The following CACNB2 variants were observed in gnomAD, a reference collection of about 807,000 sequenced individuals.
CACNB2 encodes calcium voltage-gated channel auxiliary subunit beta 2.
A neutral mutation model predicts 73.3 loss-of-function variants in CACNB2; 42 were observed. That is an observed-to-expected ratio of 0.57 (90% confidence interval 0.45 to 0.74). CACNB2 has a LOEUF of 0.74. CACNB2 is among the 30% of genes least tolerant of loss of function. CACNB2 has a pLI of 0.00. For missense variants in CACNB2, 940 were observed against 853.0 expected (o/e 1.10, Z -1.27); for synonymous variants, 348 against 310.3 (o/e 1.12, Z -1.28).
intron 3 of CACNB2, among the ~76,000 whole-genome samples, chr10:18,410,669 G>A (rs1367428841): frequency 2.0e-5 from 3 of 152,106 alleles, no homozygotes. Flanking sequence ...TGAAACTAGA[G>A]GGCTACTTAT....
rs1473147434 is a variant in CACNB2 at position 18,498,693 on chromosome 10, C to T, written c.456+216C>T. 1.1e-5 allele frequency: 6 copies of T among 533,654 alleles called. No individual in the cohort carries two copies. In the Admixed American group the frequency reaches 1.2e-4, roughly 11 times the overall value. 33.1% of individuals were successfully genotyped at this position (533,654 alleles called of 1,614,324 possible). ...CAGGCCTCTTGCAATAACTTCAGCG[C>T]TCCCTGGGGCTCTGTGGCCCAGAAA... On this transcript the variant is annotated intron_variant, in intron 4 of 13. Transcript: ENST00000324631.
intron 2 of CACNB2, among the ~76,000 whole-genome samples, chr10:18,317,790 A>G (rs1389072493): frequency 6.6e-6 from 1 of 152,150 alleles, no homozygotes; most frequent in African/African-American, 2.4e-5. Context: ...CATTTATTCC[A>G]TACATATTTA....
At chr10:18,328,077 A>T (rs922519242) in intron 2 of CACNB2, among the ~76,000 whole-genome samples, 5 of 152,204 alleles carry the variant, frequency 3.3e-5, no homozygotes, top group Admixed American at 3.3e-4. Context: ...TCCAACCTCT[A>T]TGCAGTGCTC....
intron 2 of CACNB2, among the ~76,000 whole-genome samples, chr10:18,364,608 T>C (rs1405061781): frequency 6.6e-6 from 1 of 152,148 alleles, no homozygotes; most frequent in Non-Finnish European, 1.5e-5. Context: ...CCAAGGCAGT[T>C]TAATTTTTTT....
chr10:18,388,890 T>C (rs1419018333), intron 2 of CACNB2, among the ~76,000 whole-genome samples: 1 of 152,200 alleles, frequency 6.6e-6, no homozygotes, highest in Non-Finnish European at 1.5e-5. Flanking sequence ...ATAAAGAGGC[T>C]TTCAGGAGAC....
At chr10:18,492,102 C>T (rs1174407346) in intron 3 of CACNB2, among the ~76,000 whole-genome samples, 7 of 152,054 alleles carry the variant, frequency 4.6e-5, no homozygotes, top group African/African-American at 1.7e-4. Context: ...ACATGGCTGG[C>T]ACTGGTGCAA....
chr10:18,244,898 CAGAT>C (rs965283612), intron 2 of CACNB2, among the ~76,000 whole-genome samples: 2 of 152,084 alleles, frequency 1.3e-5, no homozygotes, highest in African/African-American at 4.8e-5. Context: ...GTAGAAGAGA[CAGAT>C]AGGAAAGTTG....
At chr10:18,209,635 A>AT (rs201451514) in intron 2 of CACNB2, among the ~76,000 whole-genome samples, 9,269 of 151,482 alleles carry the variant, frequency 0.061, 281 homozygotes, top group East Asian at 0.099. Context: ...TTAGCTATTG[A>AT]TTTTTTTTTA....
rs77843502 is a variant in CACNB2, at chr10:18,235,552, C to T, written c.213+84577C>T. On this transcript the variant is annotated intron_variant, in intron 2 of 13. Coordinates refer to ENST00000324631, the MANE Select transcript of CACNB2 (RefSeq NM_201596.3). ...AATAAAACAACACAGTTTCCTTTTC[C>T]AAGAGACAGAAGGGGTCTGTTTGGT... is the stretch of plus-strand genomic sequence containing the variant. Among the ~76,000 whole-genome samples the T allele has an allele frequency of 5.0e-3, 767 of 152,210 alleles. 6 individuals carry two copies. The highest frequency in any genetic ancestry group is 0.017 in the African/African-American group (715 of 41,534).
At chr10:18,167,996 G>T (rs1417664922) in intron 2 of CACNB2, among the ~76,000 whole-genome samples, 1 of 152,148 alleles carries the variant, frequency 6.6e-6, no homozygotes, top group Admixed American at 6.5e-5. Flanking sequence ...GGAAATTCTG[G>T]TGAAGCCACT....
chr10:18,460,888 A>C (rs957755946), intron 3 of CACNB2, among the ~76,000 whole-genome samples: 2 of 11,494 alleles, frequency 1.7e-4, no homozygotes, highest in African/African-American at 6.2e-4. Flanking sequence ...AGATCTTTCC[A>C]AAAAAAAAAA....
chr10:18,385,912 C>G (rs547963111), intron 2 of CACNB2, among the ~76,000 whole-genome samples: 2 of 152,140 alleles, frequency 1.3e-5, no homozygotes, highest in East Asian at 3.9e-4. Flanking sequence ...AATCTGTTAT[C>G]ACAAATAGTG....
chr10:18,174,306 TC>T (rs2033443821), intron 2 of CACNB2, among the ~76,000 whole-genome samples: 1 of 127,718 alleles, frequency 7.8e-6, no homozygotes, highest in Admixed American at 8.4e-5. Context: ...CTTCCTTCCT[TC>T]CCTCCCTCCC....
chr10:18,519,927 G>C, intron 9 of CACNB2: 1 of 338,144 alleles, frequency 3.0e-6, no homozygotes, highest in Middle Eastern at 3.9e-4. Context: ...CATCCTCTTT[G>C]AAATACTTTG....
chr10:18,454,590 A>G (rs1000466014), intron 3 of CACNB2, among the ~76,000 whole-genome samples: 1 of 152,260 alleles, frequency 6.6e-6, no homozygotes, highest in Non-Finnish European at 1.5e-5. Context: ...AAAGCATTTA[A>G]TATCAATCAT....
At chr10:18,151,220 C>A (rs994273051) in intron 2 of CACNB2, 21 of 391,622 alleles carry the variant, frequency 5.4e-5, no homozygotes, top group East Asian at 3.3e-4. Flanking sequence ...CAGAGGATTT[C>A]TTTGAAACAG....
At chr10:18,318,029 C>T (rs914512144) in intron 2 of CACNB2, among the ~76,000 whole-genome samples, 5 of 152,128 alleles carry the variant, frequency 3.3e-5, no homozygotes, top group East Asian at 1.9e-4. Flanking sequence ...GATTCAATAT[C>T]GTGAAAATGG....
intron 7 of CACNB2, among the ~76,000 whole-genome samples, chr10:18,515,826 A>G (rs1182684615): frequency 6.6e-6 from 1 of 152,236 alleles, no homozygotes; most frequent in East Asian, 1.9e-4. Flanking sequence ...CAGGAATGTG[A>G]GCTAAAACCC....
chr10:18,520,945 T>C (rs1231247387), intron 9 of CACNB2, among the ~76,000 whole-genome samples: 1 of 152,238 alleles, frequency 6.6e-6, no homozygotes, highest in East Asian at 1.9e-4. Context: ...TTTTTGTTTA[T>C]TGTCATTCTC....
Sources: allele counts gnomAD v4.1 joint callset (sites outside exome capture counted in the v4.1 genomes callset), GRCh38; gene constraint gnomAD v4.1.1; transcripts MANE v1.5; gene names NCBI Gene and HGNC (gene_info 2026-07-23, HGNC 2026-07-21).